The following PRDM8 variants were observed in gnomAD, a reference collection of about 807,000 sequenced individuals.
PRDM8 encodes the protein PR domain zinc finger protein 8.
PRDM8 carries 13 observed loss-of-function variants against 46.5 expected under a neutral mutation model. The observed-to-expected ratio is 0.28, with a 90% CI of 0.18 to 0.44. The LOEUF is 0.44. Among genes scored for constraint, PRDM8 ranks in the 20% least tolerant of loss-of-function variants. The pLI, the probability that PRDM8 is intolerant of heterozygous loss-of-function variation, is 1.00. For synonymous variants in PRDM8, 473 were observed against 438.4 expected (o/e 1.08, Z -0.98); for missense variants, 998 against 955.0 (o/e 1.04, Z -0.59).
At chr4:80,197,113 C>T (rs1173598776), upstream of PRDM8, 8 of 985,372 alleles carry the variant, frequency 8.1e-6, no homozygotes, top group South Asian at 1.9e-4. Flanking sequence ...ACGCGGACTC[C>T]GGGGAAATAC....
chr4:80,200,343 C>T, intron 2 of PRDM8, 44 bp downstream of exon 2: 1 of 1,516,434 alleles, frequency 6.6e-7, no homozygotes, highest in East Asian at 2.3e-5. Context: ...GGGTAATGTC[C>T]TGTTGGAAAT....
intron 1 of PRDM8, among the ~76,000 whole-genome samples, chr4:80,198,980 GTTTT>G (rs1413112507): frequency 2.9e-5 from 3 of 104,188 alleles, no homozygotes; most frequent in African/African-American, 7.0e-5. Flanking sequence ...GTTTTTTTGG[GTTTT>G]TTTTTTTTTG....
chr4:80,200,176 C>T lies in PRDM8; in HGVS notation c.96C>T (p.Thr32=). ...ATATTTTTACCAGCGTTTACACCACCTGCGACATCCCTGAGAATGCTATAT... is the reference window on the plus strand; with the variant it reads ...ATATTTTTACCAGCGTTTACACCACTTGCGACATCCCTGAGAATGCTATAT... The part of the protein sequence containing the change: ...LTDIFTSVYT[T]CDIPENAIFG... The change falls in exon 2 of 4, where the codon ACC becomes ACT. Residue 32 remains threonine (T), a synonymous_variant. Coordinates refer to ENST00000415738, the MANE Select transcript of PRDM8 (RefSeq NM_001099403.2). The T allele has an allele frequency of 6.2e-7, 1 of 1,614,096 alleles. No homozygotes were observed. The highest frequency in any genetic ancestry group is 2.2e-5 in the East Asian group (1 of 44,880).
intron 1 of PRDM8, among the ~76,000 whole-genome samples, chr4:80,187,362 A>G (rs1188276647): frequency 6.6e-6 from 1 of 151,886 alleles, no homozygotes; most frequent in Non-Finnish European, 1.5e-5. Context: ...ATCTATGAAG[A>G]ACAGAAAAGA....
chr4:80,200,272 C>A lies in PRDM8; in HGVS notation c.192C>A (p.Asp64Glu), dbSNP rs1353802596. 2 of 1,613,862 alleles carry A rather than the reference C, an allele frequency of 1.2e-6. No individual in the cohort carries two copies. The highest frequency in any genetic ancestry group is 1.7e-6 in the Non-Finnish European group (2 of 1,179,798). The change falls in exon 2 of 4, where the codon GAC becomes GAA. Residue 64 changes from aspartate (D) to glutamate (E), a missense_variant. Transcript: ENST00000415738. ...CTTTCATAGCTCTCAAGTCTACTGA[C>A]AAGAGAACAGTACCGTATATCTTTC... ...SIAFIALKST[D>E]KRTVPYIFRV...
chr4:80,198,979 GGTTTTTTTTTTTTTGTTTTTTTTTT>G (rs1738191157), intron 1 of PRDM8, among the ~76,000 whole-genome samples: 2 of 113,510 alleles, frequency 1.8e-5, no homozygotes, highest in Admixed American at 2.0e-4. Context: ...GGTTTTTTTG[GGTTTTTTTTTTTTTGTTTTTTTTTT>G]TTTTTTTTTT....
In PRDM8 at chr4:80,203,095, C is replaced by G. The variant is rs1248039191; in HGVS notation, c.1633C>G (p.Leu545Val). 1 of 1,573,296 alleles carries G rather than the reference C, an allele frequency of 6.4e-7. No homozygotes were observed. Among genetic ancestry groups the G allele is most frequent in the Non-Finnish European group, 8.6e-7 (1 of 1,168,558 alleles). ...ACTCTATCCCGCCGCCGCGGACCCT[C>G]TAGCGGTGAAGCTCCAGGGGGCCGC... ...TRLYPAAADP[L>V]AVKLQGAADL... The change falls in exon 4 of 4, where the codon CTA (leucine) becomes GTA (valine). Residue 545 changes from leucine (L) to valine (V), a missense_variant. Physicochemically the swap from Leu to Val is conservative, Grantham distance 32. Coordinates refer to ENST00000415738, the MANE Select transcript of PRDM8 (RefSeq NM_001099403.2).
chr4:80,202,923 CG>C lies in PRDM8; in HGVS notation c.1466del (p.Gly489AlafsTer57), dbSNP rs1738654619. The C allele has an allele frequency of 7.2e-7, 1 of 1,382,024 alleles. No homozygotes were observed. 85.6% of individuals were successfully genotyped at this position (1,382,024 alleles called of 1,614,324 possible). On this transcript the variant is annotated frameshift_variant, in exon 4 of 4. Transcript: ENST00000415738. LOFTEE classifies it high-confidence loss of function. ...GCGCCGGGGCCGCAGGCGGCGCGGGCGGGGGCCAGGGCGCCGCGTCGGACGA... is the reference window on the plus strand; with the variant it reads ...GCGCCGGGGCCGCAGGCGGCGCGGGCGGGGCCAGGGCGCCGCGTCGGACGA... ...TGAGAAGGAG[G>X]GQGAASDERK...
intron 2 of PRDM8, among the ~76,000 whole-genome samples, chr4:80,201,002 A>G (rs868774341): frequency 6.6e-6 from 1 of 152,256 alleles, no homozygotes; most frequent in African/African-American, 2.4e-5. Context: ...TTAACACTAA[A>G]TTATAAGAAG....
Position 80,201,370 on chromosome 4 carries a change from G to A in PRDM8, c.300G>A (p.Glu100=). Reference sequence around the variant, plus strand: ...TCCAATCGGCCAGAGATAAGGAAGAGCAGAACCTTGAAGCCTACATAAAAA... The same window carrying A: ...TCCAATCGGCCAGAGATAAGGAAGAACAGAACCTTGAAGCCTACATAAAAA... ...RLVQSARDKE[E]QNLEAYIKNG... is the part of the protein sequence containing the mutation. Residue 100 remains glutamate, a synonymous_variant, in exon 3 of 4, where the codon GAG becomes GAA. Transcript: ENST00000415738. 6.2e-7 allele frequency: 1 copy of A among 1,614,226 alleles called. No homozygotes were observed. Among genetic ancestry groups the A allele is most frequent in the South Asian group, 1.1e-5 (1 of 91,088 alleles).
At chr4:80,196,741 C>G (rs1270533553), upstream of PRDM8, 2 of 859,100 alleles carry the variant, frequency 2.3e-6, no homozygotes, top group African/African-American at 1.9e-5. Context: ...AAAACAAAAA[C>G]AAACAAAAAA....
upstream of PRDM8, chr4:80,197,418 A>G (rs1019844748): frequency 9.1e-6 from 9 of 983,786 alleles, no homozygotes; most frequent in Non-Finnish European, 1.1e-5. Flanking sequence ...CCCAGCAAAG[A>G]GTTAAAGGGA....
rs569423315 is a variant in PRDM8, at chr4:80,203,634, C to T, written c.*102C>T. On this transcript the variant is annotated 3_prime_UTR_variant, in exon 4 of 4. Transcript: ENST00000415738. The stretch of plus-strand genomic sequence containing the variant: ...CCACCGCTTCCTTGCACCCCGAAAC[C>T]CTGCACAAAGACACATACATTCACC... 2.0e-6 allele frequency: 3 copies of T among 1,463,940 alleles called. No homozygotes were observed. The East Asian group carries it at 7.5e-5, about 37-fold the overall frequency. 90.7% of individuals were successfully genotyped at this position (1,463,940 alleles called of 1,614,324 possible).
At chr4:80,200,733 C>T (rs1738380838) in intron 2 of PRDM8, among the ~76,000 whole-genome samples, 1 of 151,762 alleles carries the variant, frequency 6.6e-6, no homozygotes, top group African/African-American at 2.4e-5. Context: ...AGCTAGTGCC[C>T]AGAGTTTGTA....
At chr4:80,192,908 G>A (rs1007964576), upstream of PRDM8, among the ~76,000 whole-genome samples, 4 of 152,182 alleles carry the variant, frequency 2.6e-5, no homozygotes, top group Admixed American at 6.5e-5. Flanking sequence ...AGATCCAGGA[G>A]AGGAAGATAA....
chr4:80,203,350 T>C lies in PRDM8; in HGVS notation c.1888T>C (p.Cys630Arg). The C allele has an allele frequency of 6.2e-7, 1 of 1,614,008 alleles. No homozygotes were observed. The highest frequency in any genetic ancestry group is 8.5e-7 in the Non-Finnish European group (1 of 1,179,980). ...GCCCGCGCAGAACTGGTGCGCCAAG[T>C]GCAATGCCTCCTTCCGCATGACCTC... Reference protein sequence around the residue: ...CLPAQNWCAKCNASFRMTSDL... With the variant: ...CLPAQNWCAKRNASFRMTSDL... The change falls in exon 4 of 4, where the codon TGC becomes CGC. Residue 630 changes from cysteine (C) to arginine (R), a missense_variant. Cys to Arg is a radical substitution (Grantham distance 180). Coordinates refer to ENST00000415738, the MANE Select transcript of PRDM8 (RefSeq NM_001099403.2).
At chr4:80,199,265 C>A (rs72656531) in intron 1 of PRDM8, among the ~76,000 whole-genome samples, 16,273 of 151,934 alleles carry the variant, frequency 0.11, 1,214 homozygotes, top group African/African-American at 0.21. Flanking sequence ...CTGTCCTGTA[C>A]CTGCTCACTT....
chr4:80,186,286 CTTT>C (rs3834215), intron 1 of PRDM8, among the ~76,000 whole-genome samples: 1 of 150,348 alleles, frequency 6.7e-6, no homozygotes, highest in South Asian at 2.1e-4. Context: ...TATTAGGAGC[CTTT>C]TTTTTTCCAG....
upstream of PRDM8, chr4:80,194,217 G>T: frequency 1.0e-6 from 1 of 982,602 alleles, no homozygotes; most frequent in Non-Finnish European, 1.2e-6. Context: ...GGACTCCAAA[G>T]AGCCTTGCTA....
Sources: allele counts gnomAD v4.1 joint callset (sites outside exome capture counted in the v4.1 genomes callset), GRCh38; gene constraint gnomAD v4.1.1; transcripts MANE v1.5; gene names NCBI Gene and HGNC (gene_info 2026-07-23, HGNC 2026-07-21).